KMT2C: variants seen among roughly 807,000 people sequenced by gnomAD.
The protein encoded by KMT2C is lysine methyltransferase 2C.
In KMT2C, 88 loss-of-function variants were observed where a neutral mutation model predicts 507.9. That is an observed-to-expected ratio of 0.17 (90% CI 0.15 to 0.21). The LOEUF (loss-of-function observed/expected upper bound fraction) is 0.21. Ranked by LOEUF, KMT2C falls within the 10% of genes least tolerant of loss-of-function variation. The pLI is 1.00. For synonymous variants in KMT2C, 2,049 were observed against 2,080.8 expected, an observed-to-expected ratio of 0.98 and a Z score of 0.42; for missense variants, 4,954 against 5,957.8, an observed-to-expected ratio of 0.83 and a Z score of 5.55.
In KMT2C at chr7:152,276,405, A is replaced by G. The variant is rs571235430; in HGVS notation, c.850-2538T>C. On this transcript the variant is annotated intron_variant, in intron 6 of 58. Coordinates refer to ENST00000262189, the MANE Select transcript of KMT2C (RefSeq NM_170606.3). ...ATTAATAATACAATAAGTAATATAT[A>G]ATACATAAGTAACAATTACGAAGCT... Among the ~76,000 whole-genome samples, 8 of 152,314 alleles carry G rather than the reference A, an allele frequency of 5.3e-5. No individual in the cohort carries two copies. In the East Asian group the frequency reaches 9.6e-4, roughly 18 times the overall value.
chr7:152,180,459 A>G (rs769542188), intron 36 of KMT2C, among the ~76,000 whole-genome samples: 1 of 152,252 alleles, frequency 6.6e-6, no homozygotes, highest in Non-Finnish European at 1.5e-5. Flanking sequence ...TTTCCTTGCC[A>G]GACAACTATC....
At chr7:152,143,253 A>C (rs991168486) in intron 55 of KMT2C, among the ~76,000 whole-genome samples, 2 of 152,244 alleles carry the variant, frequency 1.3e-5, no homozygotes, top group African/African-American at 4.8e-5. Flanking sequence ...CTCCACTCAT[A>C]ATGTAAAAAC....
chr7:152,356,461 A>C (rs1280619866), intron 2 of KMT2C, among the ~76,000 whole-genome samples: 1 of 152,066 alleles, frequency 6.6e-6, no homozygotes, highest in African/African-American at 2.4e-5. Context: ...CTGTAATCCC[A>C]GCTACTCAGA....
intron 3 of KMT2C, among the ~76,000 whole-genome samples, chr7:152,324,547 A>G (rs900274454): frequency 1.3e-5 from 2 of 152,010 alleles, no homozygotes; most frequent in Non-Finnish European, 2.9e-5. Flanking sequence ...AAATTGGTAC[A>G]AGATGAAACA....
intron 26 of KMT2C, among the ~76,000 whole-genome samples, chr7:152,201,801 A>G (rs1000373407): frequency 1.3e-5 from 2 of 152,110 alleles, no homozygotes; most frequent in Non-Finnish European, 1.5e-5. Flanking sequence ...TTACATACAT[A>G]CTCTCACTGA....
In KMT2C at chr7:152,187,708, C is replaced by T. The variant is rs759363533; in HGVS notation, c.4793+7G>A. Reference sequence around the variant, plus strand: ...ATTTAAGTTTCCATAGAAAATAAGGCTTGTACCTGGCATCAGGATAAGAGG... The same window carrying T: ...ATTTAAGTTTCCATAGAAAATAAGGTTTGTACCTGGCATCAGGATAAGAGG... On this transcript the variant is annotated splice_region_variant and intron_variant, in intron 32 of 58. Transcript: ENST00000262189. 8 of 1,611,608 alleles carry T rather than the reference C, an allele frequency of 5.0e-6. No individual in the cohort carries two copies. The highest frequency in any genetic ancestry group is 6.8e-6 in the Non-Finnish European group (8 of 1,179,462).
chr7:152,215,631 T>TA (rs1346796717), intron 23 of KMT2C, among the ~76,000 whole-genome samples: 4 of 137,318 alleles, frequency 2.9e-5, no homozygotes, highest in South Asian at 2.4e-4. Context: ...TTTGCAGCCA[T>TA]AAAAAAATGA....
Position 152,192,029 on chromosome 7 carries a change from T to C in KMT2C, c.4660+1980A>G, listed in dbSNP as rs547375647. Among the ~76,000 whole-genome samples the C allele has an allele frequency of 7.3e-5, 11 of 150,310 alleles. No homozygotes were observed. In the East Asian group the frequency reaches 9.7e-4, roughly 13 times the overall value. ...TCACCTTGTATTACACATTAACACC[T>C]TGCAAAAGAAAAAAAAAAAAAGAAA... On this transcript the variant is annotated intron_variant, in intron 31 of 58. Transcript: ENST00000262189.
At chr7:152,140,597 AAAGTACTAGACTAGATGCAACTGAATCAG>A (rs2090427200) in intron 55 of KMT2C, among the ~76,000 whole-genome samples, 1 of 152,214 alleles carries the variant, frequency 6.6e-6, no homozygotes, top group Admixed American at 6.5e-5. Flanking sequence ...ACTGAATGCA[AAAGTACTAGACTAGATGCAACTGAATCAG>A]AAGTACTAGA....
At chr7:152,149,198 C>T in intron 51 of KMT2C, 46 bp from the exon 52 acceptor site, 1 of 1,441,886 alleles carries the variant, frequency 6.9e-7, no homozygotes, top group East Asian at 2.4e-5. Context: ...AATTCACAAG[C>T]CCGGAAAGCA....
At chr7:152,356,578 A>G (rs9655616) in intron 2 of KMT2C, among the ~76,000 whole-genome samples, 20,955 of 151,260 alleles carry the variant, frequency 0.14, 3,841 homozygotes, top group African/African-American at 0.42. Flanking sequence ...ACTCTGTCTC[A>G]AAAAAACAAA....
chr7:152,378,790 T>A (rs1289658657), intron 1 of KMT2C, among the ~76,000 whole-genome samples: 1 of 152,210 alleles, frequency 6.6e-6, no homozygotes, highest in Admixed American at 6.5e-5. Context: ...TTCCAATATT[T>A]TCTTCACTCT....
chr7:152,226,926 T>C (rs2094951560), intron 18 of KMT2C, among the ~76,000 whole-genome samples: 2 of 152,358 alleles, frequency 1.3e-5, no homozygotes, highest in South Asian at 4.1e-4. Context: ...AACAATGACC[T>C]GAAGATAAAG....
chr7:152,263,491 C>G (rs185897825), intron 8 of KMT2C, among the ~76,000 whole-genome samples: 38 of 152,222 alleles, frequency 2.5e-4, no homozygotes, highest in African/African-American at 8.9e-4. Context: ...CTTGGCACAG[C>G]GAATTGAAAA....
chr7:152,178,677 G>A (rs968469614), intron 37 of KMT2C, among the ~76,000 whole-genome samples: 5 of 152,072 alleles, frequency 3.3e-5, no homozygotes, highest in Admixed American at 1.3e-4. Context: ...GAAATTAAGA[G>A]TAAGATTACA....
intron 8 of KMT2C, among the ~76,000 whole-genome samples, chr7:152,264,544 T>C (rs2129173048): frequency 6.6e-6 from 1 of 152,316 alleles, no homozygotes; most frequent in East Asian, 1.9e-4. Context: ...ATTAAAATAA[T>C]AGTAGAAATT....
intron 44 of KMT2C, chr7:152,157,739 A>C (rs764920203): frequency 2.9e-5 from 34 of 1,192,324 alleles, no homozygotes; most frequent in Non-Finnish European, 3.5e-5. Context: ...AAGCAAGACA[A>C]CACCTTGGCA....
At chr7:152,363,189 T>C (rs1460708315) in intron 1 of KMT2C, among the ~76,000 whole-genome samples, 1 of 152,222 alleles carries the variant, frequency 6.6e-6, no homozygotes, top group Non-Finnish European at 1.5e-5. Context: ...TTAAGGAAAG[T>C]TTGAAGTCTA....
chr7:152,161,282 A>G (rs1443310853), intron 43 of KMT2C, among the ~76,000 whole-genome samples: 1 of 152,248 alleles, frequency 6.6e-6, no homozygotes, highest in African/African-American at 2.4e-5. Flanking sequence ...GAGCTTCATT[A>G]ACAATCTTAA....
Sources: gnomAD v4.1 joint callset for allele counts (sites outside exome capture counted in the v4.1 genomes callset) on GRCh38, gnomAD v4.1.1 for gene constraint, MANE v1.5 for transcripts, NCBI Gene and HGNC (gene_info 2026-07-23, HGNC 2026-07-21) for gene names.